ABHD12B: variants seen among roughly 807,000 people sequenced by gnomAD.
ABHD12B encodes protein ABHD12B.
A neutral mutation model predicts 50.4 loss-of-function variants in ABHD12B; 42 were observed. That is an observed-to-expected ratio of 0.83 (90% CI 0.65 to 1.08). ABHD12B has a LOEUF of 1.08. ABHD12B is among the 50% of genes least tolerant of loss of function. ABHD12B has a pLI of 0.00. For synonymous variants in ABHD12B, 167 were observed against 160.3 expected (o/e 1.04, Z -0.32); for missense variants, 479 against 447.7 (o/e 1.07, Z -0.63).
In ABHD12B at chr14:50,882,373, C is replaced by CTTTTTTTTTTTTTTTTTTTT. The variant is rs386381352; in HGVS notation, c.486+749_486+768dup. On this transcript the variant is annotated intron_variant, in intron 5 of 12. Coordinates refer to ENST00000337334, the MANE Select transcript of ABHD12B (RefSeq NM_001206673.2). The stretch of plus-strand genomic sequence containing the variant: ...ATAGGCTAAAGACACAGAATGTCTG[C>CTTTTTTTTTTTTTTTTTTTT]TTTTTTTTTTTTTTTTTTTTTGAGA... 2.3e-4 allele frequency among the ~76,000 whole-genome samples: 19 copies of CTTTTTTTTTTTTTTTTTTTT among 81,832 alleles called. 3 individuals are homozygous for CTTTTTTTTTTTTTTTTTTTT. Among genetic ancestry groups the CTTTTTTTTTTTTTTTTTTTT allele is most frequent in the African/African-American group, 8.3e-4 (16 of 19,316 alleles). The allele number at this position is 81,832 out of a possible 152,430, so 53.7% of individuals were successfully genotyped here.
At position 50,892,355 on chromosome 14, in the gene ABHD12B, G is replaced by C. The variant is rs1287188480; in HGVS notation, c.780+3452G>C. Reference sequence around the variant, plus strand: ...GGAATGAGGGTAGTAGCACTGGAAAGGGGGAAGAGCAGAACAAGGACGTGA... The same window carrying C: ...GGAATGAGGGTAGTAGCACTGGAAACGGGGAAGAGCAGAACAAGGACGTGA... On this transcript the variant is annotated intron_variant, in intron 9 of 12. Coordinates refer to ENST00000337334, the MANE Select transcript of ABHD12B (RefSeq NM_001206673.2). The C allele has an allele frequency of 1.0e-5, 10 of 959,168 alleles. No individual in the cohort carries two copies. The African/African-American group carries it at 1.2e-4, about 12-fold the overall frequency. The allele number at this position is 959,168 out of a possible 1,614,324, so 59.4% of individuals were successfully genotyped here. A position where few individuals can be genotyped will look rare whatever the true frequency, so the allele number is the denominator to read the frequency against.
chr14:50,881,720 G>A lies in ABHD12B; in HGVS notation c.486+94G>A, dbSNP rs548100930. 39 of 1,479,790 alleles carry A rather than the reference G, an allele frequency of 2.6e-5. No individual in the cohort carries two copies. In the East Asian group the frequency reaches 6.3e-4, roughly 24 times the overall value. The allele number at this position is 1,479,790 out of a possible 1,614,324, so 91.7% of individuals were successfully genotyped here. A position where few individuals can be genotyped will look rare whatever the true frequency, so the allele number is the denominator to read the frequency against. On this transcript the variant is annotated intron_variant, in intron 5 of 12. Coordinates refer to ENST00000337334, the MANE Select transcript of ABHD12B (RefSeq NM_001206673.2). Reference sequence around the variant, plus strand: ...GGCCCTCCGCGTGGTTGTTTTTTGAGAGGTCTCCAGGGTACTGGTCAGGGT... The same window carrying A: ...GGCCCTCCGCGTGGTTGTTTTTTGAAAGGTCTCCAGGGTACTGGTCAGGGT...
chr14:50,898,565 G>A (rs965237704), intron 9 of ABHD12B, among the ~76,000 whole-genome samples: 1 of 152,190 alleles, frequency 6.6e-6, no homozygotes, highest in Non-Finnish European at 1.5e-5. Flanking sequence ...GGTATGACCT[G>A]TGAGTCTCAA....
chr14:50,894,161 C>A (rs2050160086), intron 9 of ABHD12B, among the ~76,000 whole-genome samples: 1 of 139,042 alleles, frequency 7.2e-6, no homozygotes, highest in South Asian at 2.1e-4. Context: ...GGCAAGTACC[C>A]CTCAACCCCT....
chr14:50,902,481 A>AAAAC (rs950767816), intron 10 of ABHD12B, among the ~76,000 whole-genome samples: 1 of 152,162 alleles, frequency 6.6e-6, no homozygotes, highest in Non-Finnish European at 1.5e-5. Context: ...GACATCCTGT[A>AAAAC]AAACAAACAA....
Position 50,877,942 on chromosome 14 carries a change from T to A in ABHD12B, c.105-10T>A. Reference sequence around the variant, plus strand: ...TTCGAAAACCTTGTGTGTTTCCCAATACCTTGCAGATATTTTCCACACTCC... The same window carrying A: ...TTCGAAAACCTTGTGTGTTTCCCAAAACCTTGCAGATATTTTCCACACTCC... On this transcript the variant is annotated splice_polypyrimidine_tract_variant and intron_variant, in intron 1 of 12. Coordinates refer to ENST00000337334, the MANE Select transcript of ABHD12B (RefSeq NM_001206673.2). The A allele has an allele frequency of 6.6e-7, 1 of 1,507,312 alleles. No individual in the cohort carries two copies. Among genetic ancestry groups the A allele is most frequent in the Non-Finnish European group, 8.8e-7 (1 of 1,135,858 alleles). The allele number at this position is 1,507,312 out of a possible 1,614,324, so 93.4% of individuals were successfully genotyped here. A position where few individuals can be genotyped will look rare whatever the true frequency, so the allele number is the denominator to read the frequency against.
chr14:50,873,363 A>G (rs1350098232), intron 1 of ABHD12B, among the ~76,000 whole-genome samples: 1 of 152,086 alleles, frequency 6.6e-6, no homozygotes, highest in African/African-American at 2.4e-5. Flanking sequence ...GGCACCTGCC[A>G]CCACACTGAG....
At chr14:50,879,999 T>G (rs1023804170) in intron 3 of ABHD12B, among the ~76,000 whole-genome samples, 1 of 152,248 alleles carries the variant, frequency 6.6e-6, no homozygotes, top group Non-Finnish European at 1.5e-5. Flanking sequence ...GTTTCTTGGT[T>G]TCTGGAGCAA....
At chr14:50,898,730 C>T (rs771119450) in intron 9 of ABHD12B, among the ~76,000 whole-genome samples, 7 of 151,940 alleles carry the variant, frequency 4.6e-5, no homozygotes, top group South Asian at 2.1e-4. Context: ...GGTGAGAGTA[C>T]CAGAAGACAA....
chr14:50,892,979 A>G (rs1326322584), intron 9 of ABHD12B: 1 of 152,224 alleles, frequency 6.6e-6, no homozygotes, highest in African/African-American at 2.4e-5. Context: ...AAATCTCTCA[A>G]GATCCAAGAA....
At chr14:50,878,948 G>A (rs1242640725) in intron 3 of ABHD12B, 101 bp downstream of exon 3, 6 of 885,754 alleles carry the variant, frequency 6.8e-6, no homozygotes, top group Non-Finnish European at 9.1e-6. Context: ...AGAGGTCGGT[G>A]CTCCTGGAGG....
intron 3 of ABHD12B, 57 bp downstream of exon 3, chr14:50,878,904 C>A: frequency 7.0e-7 from 1 of 1,437,566 alleles, no homozygotes; most frequent in Non-Finnish European, 9.8e-7. Flanking sequence ...CCTGTTAGGA[C>A]TCAGAGGAGC....
At chr14:50,885,046 T>A (rs1312523495) in intron 5 of ABHD12B, among the ~76,000 whole-genome samples, 1 of 152,202 alleles carries the variant, frequency 6.6e-6, no homozygotes, top group Non-Finnish European at 1.5e-5. Flanking sequence ...TTATTGTTTC[T>A]CACTTTTCAG....
chr14:50,896,083 C>G (rs1313341610), intron 9 of ABHD12B, among the ~76,000 whole-genome samples: 1 of 152,068 alleles, frequency 6.6e-6, no homozygotes, highest in African/African-American at 2.4e-5. Flanking sequence ...TAAGATACCT[C>G]TACTCCCTCC....
chr14:50,903,258 C>A, intron 10 of ABHD12B, 131 bp from the exon 11 acceptor site: 1 of 632,984 alleles, frequency 1.6e-6, no homozygotes, highest in Non-Finnish European at 2.7e-6. Context: ...TATTGTTATT[C>A]CTTGGAAGGA....
At chr14:50,897,305 C>T (rs1364267664) in intron 9 of ABHD12B, among the ~76,000 whole-genome samples, 1 of 152,004 alleles carries the variant, frequency 6.6e-6, no homozygotes, top group Admixed American at 6.6e-5. Context: ...AACTCTTGAC[C>T]TCAGGTGATC....
At chr14:50,882,362 C>T (rs1200055485) in intron 5 of ABHD12B, among the ~76,000 whole-genome samples, 1 of 135,170 alleles carries the variant, frequency 7.4e-6, no homozygotes, top group Non-Finnish European at 1.5e-5. Flanking sequence ...GCTAAAGACA[C>T]AGAATGTCTG....
rs1412318926 is a variant in ABHD12B, at chr14:50,872,418, G to T, written c.104+140G>T. 9.5e-6 allele frequency: 5 copies of T among 527,008 alleles called. No individual in the cohort carries two copies. In the African/African-American group the frequency reaches 9.9e-5, roughly 10 times the overall value. The allele number at this position is 527,008 out of a possible 1,614,324, so 32.6% of individuals were successfully genotyped here. The stretch of plus-strand genomic sequence containing the variant: ...AAGGCCCAGCATTGTGGCTTCCGGG[G>T]GACCTCGGCGGCCCCCTGAGAACTC... On this transcript the variant is annotated intron_variant, in intron 1 of 12. Transcript: ENST00000337334.
At chr14:50,895,166 A>G (rs909031071) in intron 9 of ABHD12B, among the ~76,000 whole-genome samples, 1 of 150,116 alleles carries the variant, frequency 6.7e-6, no homozygotes, top group Non-Finnish European at 1.5e-5. Flanking sequence ...CTAGACCCTA[A>G]AAGGTCAAAA....
Sources: gnomAD v4.1 joint callset for allele counts (sites outside exome capture counted in the v4.1 genomes callset) on GRCh38, gnomAD v4.1.1 for gene constraint, MANE v1.5 for transcripts, NCBI Gene and HGNC (gene_info 2026-07-23, HGNC 2026-07-21) for gene names.